The following BRS3 variants were observed in gnomAD, a reference collection of about 807,000 sequenced individuals.
BRS3 encodes the protein bombesin receptor subtype-3.
In BRS3, 5 loss-of-function variants were observed where a neutral mutation model predicts 18.8. That is an observed-to-expected ratio of 0.27 (90% CI 0.14 to 0.56). The LOEUF (loss-of-function observed/expected upper bound fraction) is 0.56, where lower values mean the gene tolerates loss of function less well. BRS3 is among the 20% of genes least tolerant of loss of function. BRS3 has a pLI of 0.93. For missense variants in BRS3, 215 were observed against 296.3 expected, an observed-to-expected ratio of 0.73 and a Z score of 2.01; for synonymous variants, 121 against 115.0, an observed-to-expected ratio of 1.05 and a Z score of -0.33.
At position 136,493,446 on chromosome X, in the gene BRS3, T is replaced by A. The variant is rs753517133; in HGVS notation, c.*1071T>A. The A allele has an allele frequency of 1.8e-5, 2 of 111,759 alleles. No individual in the cohort carries two copies. Among genetic ancestry groups the A allele is most frequent in the East Asian group, 5.6e-4 (2 of 3,580 alleles). The allele number at this position is 111,759 out of a possible 1,213,427, so 9.2% of individuals were successfully genotyped here. The stretch of plus-strand genomic sequence containing the variant: ...TTTTAAAAAAAAAAACTCTTGTCAA[T>A]AGACGTGTCAGATTTAGACCTGTGG... On this transcript the variant is annotated 3_prime_UTR_variant, in exon 3 of 3. Coordinates refer to ENST00000370648, the MANE Select transcript of BRS3 (RefSeq NM_001727.2).
rs139731498 is a variant in BRS3 at position 136,492,274 on chromosome X, G to A, written c.1099G>A (p.Val367Met). The A allele has an allele frequency of 1.3e-4, 157 of 1,209,742 alleles. No individual in the cohort carries two copies. Among genetic ancestry groups the A allele is most frequent in the Non-Finnish European group, 1.5e-4 (137 of 895,233 alleles). ...VADTSLTTLA[V>M]MGTVPGTGSI... ...TGACACCTCTCTTACCACCCTGGCT[G>A]TGATGGGAACGGTCCCGGGCACTGG... Residue 367 changes from valine (V) to methionine (M), a missense_variant, in exon 3 of 3, where the codon GTG (valine) becomes ATG (methionine). Physicochemically the swap from Val to Met is conservative, Grantham distance 21 (BLOSUM62 1). Around this residue, in one of 3 missense-constraint regions of BRS3, gnomAD observed 45 missense variants for 45.5 expected, o/e 0.99. Coordinates refer to ENST00000370648, the MANE Select transcript of BRS3 (RefSeq NM_001727.2).
intron 2 of BRS3, 81 bp downstream of exon 2, chrX:136,490,565 T>C: frequency 4.0e-6 from 3 of 745,769 alleles, no homozygotes; most frequent in Non-Finnish European, 5.7e-6. Flanking sequence ...AGTAACTGTG[T>C]ATCTTCCTGT....
Position 136,492,641 on chromosome X carries a change from A to G in BRS3, c.*266A>G. 1 of 278,842 alleles carries G rather than the reference A, an allele frequency of 3.6e-6. No homozygotes were observed. Among genetic ancestry groups the G allele is most frequent in the Admixed American group, 5.8e-5 (1 of 17,175 alleles). The allele number at this position is 278,842 out of a possible 1,213,427, so 23.0% of individuals were successfully genotyped here. ...GCCAGTGAATCGTAAGGGAAGTCAA[A>G]TGGGAAGGAAGGTGTAATAAACAAG... On this transcript the variant is annotated 3_prime_UTR_variant, in exon 3 of 3. Transcript: ENST00000370648.
At position 136,492,160 on chromosome X, in the gene BRS3, G is replaced by C. The variant is rs2075672908; in HGVS notation, c.985G>C (p.Ala329Pro). 8.3e-7 allele frequency: 1 copy of C among 1,208,432 alleles called. No individual in the cohort carries two copies. The highest frequency in any genetic ancestry group is 1.8e-5 in the African/African-American group (1 of 56,568). The stretch of plus-strand genomic sequence containing the variant: ...CAGCAATTCTTGCGTAAACCCCTTT[G>C]CTCTCTACTGGCTGAGCAAAAGCTT... ...AFSNSCVNPF[A>P]LYWLSKSFQK... Residue 329 changes from alanine to proline, a missense_variant, in exon 3 of 3, where the codon GCT becomes CCT. Around this residue, in one of 3 missense-constraint regions of BRS3, gnomAD observed 123 missense variants for 207.6 expected, o/e 0.59. Transcript: ENST00000370648.
In BRS3 at chrX:136,490,180, T is replaced by A; in HGVS notation, c.482T>A (p.Ile161Asn). The part of the protein sequence containing the change: ...KPLERQPSNA[I>N]LKTCVKAGCV... ...CTTGAGCGACAGCCCTCCAATGCCA[T>A]CCTGAAGACTTGTGTAAAAGCTGGC... The change falls in exon 2 of 3, where the codon ATC (isoleucine) becomes AAC (asparagine). Residue 161 changes from isoleucine to asparagine, a missense_variant. Ile to Asn is a moderately radical substitution (Grantham distance 149). Around this residue, in one of 3 missense-constraint regions of BRS3, gnomAD observed 123 missense variants for 207.6 expected, o/e 0.59. Transcript: ENST00000370648. 1.7e-6 allele frequency: 2 copies of A among 1,208,979 alleles called. No homozygotes were observed. The highest frequency in any genetic ancestry group is 3.5e-5 in the South Asian group (2 of 56,756).
At position 136,493,112 on chromosome X, in the gene BRS3, A is replaced by G. The variant is rs988489842; in HGVS notation, c.*737A>G. The G allele has an allele frequency of 8.9e-6, 1 of 111,951 alleles. No individual in the cohort carries two copies. The highest frequency in any genetic ancestry group is 3.3e-5 in the African/African-American group (1 of 30,764). 9.2% of individuals were successfully genotyped at this position (111,951 alleles called of 1,213,427 possible). A position where few individuals can be genotyped will look rare whatever the true frequency, so the allele number is the denominator to read the frequency against. Reference sequence around the variant, plus strand: ...GTCATGTTTATGGTGTCATTTGAGGACCTCTGTTGAAAAATCTGCAAACCT... The same window carrying G: ...GTCATGTTTATGGTGTCATTTGAGGGCCTCTGTTGAAAAATCTGCAAACCT... On this transcript the variant is annotated 3_prime_UTR_variant, in exon 3 of 3. Coordinates refer to ENST00000370648, the MANE Select transcript of BRS3 (RefSeq NM_001727.2).
At chrX:136,490,106 C>T in intron 1 of BRS3, 27 bp from the exon 2 acceptor site, 1 of 1,142,422 alleles carries the variant, frequency 8.8e-7, no homozygotes. Context: ...TTTATTTGGA[C>T]CTTTGCCTCT....
At position 136,492,001 on chromosome X, in the gene BRS3, T is replaced by C; in HGVS notation, c.826T>C (p.Leu276=). 8.3e-7 allele frequency: 1 copy of C among 1,200,277 alleles called. No individual in the cohort carries two copies. The highest frequency in any genetic ancestry group is 1.1e-6 in the Non-Finnish European group (1 of 891,414). ...GAGAATTGCCAGAACGGTATTGGTGTTGGTGGCTCTGTTTGCCCTCTGCTG... is the reference window on the plus strand; with the variant it reads ...GAGAATTGCCAGAACGGTATTGGTGCTGGTGGCTCTGTTTGCCCTCTGCTG... ...RKRIARTVLV[L]VALFALCWLP... The change falls in exon 3 of 3, where the codon TTG becomes CTG. Residue 276 remains leucine (L), a synonymous_variant. Coordinates refer to ENST00000370648, the MANE Select transcript of BRS3 (RefSeq NM_001727.2).
chrX:136,488,225 C>A lies in BRS3; in HGVS notation c.111C>A (p.Ser37Arg), dbSNP rs773179746. Reference protein sequence around the residue: ...VSNDNTNKGWSGDNSPGIEAL... With the variant: ...VSNDNTNKGWRGDNSPGIEAL... ...ACGATAACACAAATAAAGGATGGAG[C>A]GGGGACAACTCTCCAGGAATAGAAG... is the stretch of plus-strand genomic sequence containing the variant. Residue 37 changes from serine (S) to arginine (R), a missense_variant, in exon 1 of 3, where the codon AGC becomes AGA. By Grantham distance (110) the Ser-to-Arg change is moderately radical. Transcript: ENST00000370648. 22 of 1,209,583 alleles carry A rather than the reference C, an allele frequency of 1.8e-5. No homozygotes were observed. In the Admixed American group the frequency reaches 4.8e-4, roughly 26 times the overall value.
rs934339341 is a variant in BRS3 at position 136,492,627 on chromosome X, G to A, written c.*252G>A. The A allele has an allele frequency of 2.1e-5, 6 of 291,140 alleles. No individual in the cohort carries two copies. The highest frequency in any genetic ancestry group is 5.8e-5 in the Admixed American group (1 of 17,278). 24.0% of individuals were successfully genotyped at this position (291,140 alleles called of 1,213,427 possible). On this transcript the variant is annotated 3_prime_UTR_variant, in exon 3 of 3. Coordinates refer to ENST00000370648, the MANE Select transcript of BRS3 (RefSeq NM_001727.2). ...ACAAGTTTATATATGCCAGTGAATC[G>A]TAAGGGAAGTCAAATGGGAAGGAAG...
chrX:136,491,884 TTG>T, intron 2 of BRS3, 76 bp from the exon 3 acceptor site: 1 of 947,572 alleles, frequency 1.1e-6, no homozygotes, highest in East Asian at 3.6e-5. Flanking sequence ...GCTAAATGTT[TTG>T]TTTTTTTTGT....
rs1304596294 is a variant in BRS3 at position 136,493,676 on chromosome X, TTTAC to T, written c.*1305_*1308del. ...AGACTTTAACTTTCTGTAAAATTGG[TTTAC>T]TTAAAGTTGGGCGGGGGGTGTGATA... On this transcript the variant is annotated 3_prime_UTR_variant, in exon 3 of 3. Transcript: ENST00000370648. 1.1e-4 allele frequency: 12 copies of T among 112,140 alleles called. No homozygotes were observed. Among genetic ancestry groups the T allele is most frequent in the African/African-American group, 3.9e-4 (12 of 30,825 alleles). 9.2% of individuals were successfully genotyped at this position (112,140 alleles called of 1,213,427 possible).
chrX:136,491,448 G>A (rs1048804960), intron 2 of BRS3, among the ~76,000 whole-genome samples: 5 of 112,403 alleles, frequency 4.4e-5, no homozygotes, highest in African/African-American at 1.3e-4. Flanking sequence ...TTACTTCTTT[G>A]ACTATATGGT....
intron 1 of BRS3, among the ~76,000 whole-genome samples, chrX:136,489,691 T>C (rs2075663134): frequency 9.0e-6 from 1 of 111,347 alleles, no homozygotes; most frequent in African/African-American, 3.3e-5. Flanking sequence ...TCTAGGAAGG[T>C]TGATAACTGT....
Position 136,491,942 on chromosome X carries a change from T to TTTTA in BRS3, c.787-20_787-19insTTTA. On this transcript the variant is annotated intron_variant, in intron 2 of 2. Coordinates refer to ENST00000370648, the MANE Select transcript of BRS3 (RefSeq NM_001727.2). Reference sequence around the variant, plus strand: ...TTTTTTTTTTTTTTTTTTTTTTTGCTATGTTTCTTCCCCCTATAGATTGAA... The same window carrying TTTTA: ...TTTTTTTTTTTTTTTTTTTTTTTGCTTTTAATGTTTCTTCCCCCTATAGATTGAA... The TTTTA allele has an allele frequency of 1.9e-6, 1 of 535,103 alleles. No individual in the cohort carries two copies. The highest frequency in any genetic ancestry group is 2.6e-6 in the Non-Finnish European group (1 of 384,140). 44.1% of individuals were successfully genotyped at this position (535,103 alleles called of 1,213,427 possible).
Position 136,492,148 on chromosome X carries a change from G to A in BRS3, c.973G>A (p.Val325Ile), listed in dbSNP as rs780571965. ...GGTTTTGGCTTTCAGCAATTCTTGCGTAAACCCCTTTGCTCTCTACTGGCT... is the reference window on the plus strand; with the variant it reads ...GGTTTTGGCTTTCAGCAATTCTTGCATAAACCCCTTTGCTCTCTACTGGCT... The part of the protein sequence containing the change: ...SRVLAFSNSC[V>I]NPFALYWLSK... The change falls in exon 3 of 3, where the codon GTA (valine) becomes ATA (isoleucine). Residue 325 changes from valine (V) to isoleucine (I), a missense_variant. By Grantham distance (29) the Val-to-Ile change is conservative (BLOSUM62 3). Coordinates refer to ENST00000370648, the MANE Select transcript of BRS3 (RefSeq NM_001727.2). 2.4e-5 allele frequency: 29 copies of A among 1,208,168 alleles called. No individual in the cohort carries two copies. The South Asian group carries it at 3.5e-4, about 15-fold the overall frequency.
rs1322259487 is a variant in BRS3 at position 136,491,892 on chromosome X, TTTG to T, written c.787-58_787-56del. On this transcript the variant is annotated intron_variant, in intron 2 of 2. Coordinates refer to ENST00000370648, the MANE Select transcript of BRS3 (RefSeq NM_001727.2). ...TCTCACAGCTAAATGTTTTGTTTTTTTTGTTGTTGTTGTTTTTTGTGTTTTTTT... is the reference window on the plus strand; with the variant it reads ...TCTCACAGCTAAATGTTTTGTTTTTTTTGTTGTTGTTTTTTGTGTTTTTTT... 47 of 954,971 alleles carry T rather than the reference TTTG, an allele frequency of 4.9e-5. No homozygotes were observed. The African/African-American group carries it at 5.0e-4, about 10-fold the overall frequency. The allele number at this position is 954,971 out of a possible 1,213,427, so 78.7% of individuals were successfully genotyped here.
intron 2 of BRS3, among the ~76,000 whole-genome samples, chrX:136,491,345 A>G (rs1241261516): frequency 8.9e-6 from 1 of 111,856 alleles, no homozygotes; most frequent in East Asian, 2.8e-4. Flanking sequence ...ATTTGTGACC[A>G]CAGGCTATAT....
rs1343751331 is a variant in BRS3 at position 136,493,527 on chromosome X, G to A, written c.*1152G>A. The A allele has an allele frequency of 9.1e-6, 1 of 110,481 alleles. No homozygotes were observed. Among genetic ancestry groups the A allele is most frequent in the Non-Finnish European group, 1.9e-5 (1 of 52,812 alleles). 9.1% of individuals were successfully genotyped at this position (110,481 alleles called of 1,213,427 possible). On this transcript the variant is annotated 3_prime_UTR_variant, in exon 3 of 3. Coordinates refer to ENST00000370648, the MANE Select transcript of BRS3 (RefSeq NM_001727.2). ...CATGTTTGGCACTATAGGTAAATTT[G>A]TATTTAAAAAAAAAAACAATGTTTG... is the stretch of plus-strand genomic sequence containing the variant.
Sources: gnomAD v4.1 joint callset for allele counts (sites outside exome capture counted in the v4.1 genomes callset) on GRCh38, gnomAD v4.1.1 for gene constraint, gnomAD v4.1.1 regional missense constraint, MANE v1.5 for transcripts, NCBI Gene and HGNC (gene_info 2026-07-23, HGNC 2026-07-21) for gene names.